Variants in SYNE3 observed in about 807,000 individuals in gnomAD.
SYNE3 encodes spectrin repeat containing nuclear envelope family member 3, also known as nesprin-3.
In SYNE3, 100 loss-of-function variants were observed where a neutral mutation model predicts 111.2. That is an observed-to-expected ratio of 0.90 (90% CI 0.77 to 1.06). The LOEUF (loss-of-function observed/expected upper bound fraction) is 1.06, where lower values mean the gene tolerates loss of function less well. Ranked by LOEUF, SYNE3 falls within the 50% of genes least tolerant of loss-of-function variation. SYNE3 has a pLI of 0.00. For missense variants in SYNE3, 1,160 were observed against 1,240.3 expected, an observed-to-expected ratio of 0.94 and a Z score of 0.97; for synonymous variants, 547 against 533.9, an observed-to-expected ratio of 1.02 and a Z score of -0.34.
intron 5 of SYNE3, among the ~76,000 whole-genome samples, chr14:95,456,912 G>A (rs1887478265): frequency 6.6e-6 from 1 of 152,028 alleles, no homozygotes; most frequent in African/African-American, 2.4e-5. Flanking sequence ...GTGAAACCCT[G>A]TCTCTACTAA....
chr14:95,444,254 GAA>G, intron 10 of SYNE3: 6 of 522,078 alleles, frequency 1.1e-5, no homozygotes, highest in Non-Finnish European at 2.0e-5. Flanking sequence ...GGAGTAAACA[GAA>G]AGACAGTTTG....
At chr14:95,450,735 AAAG>A (rs1361981152) in intron 7 of SYNE3, 3 of 152,368 alleles carry the variant, frequency 2.0e-5, no homozygotes, top group African/African-American at 7.2e-5. Flanking sequence ...TAGTAGGTAT[AAAG>A]AGCTGGGAGT....
At chr14:95,486,122 G>T (rs894495696) in intron 1 of SYNE3, among the ~76,000 whole-genome samples, 1 of 152,072 alleles carries the variant, frequency 6.6e-6, no homozygotes, top group Admixed American at 6.5e-5. Context: ...ACTCCCCAGT[G>T]CCCATAGATG....
At chr14:95,448,002 C>T (rs1258643306) in intron 8 of SYNE3, among the ~76,000 whole-genome samples, 1 of 152,212 alleles carries the variant, frequency 6.6e-6, no homozygotes, top group African/African-American at 2.4e-5. Context: ...TTATGTCACA[C>T]TCCAGAACAG....
chr14:95,481,455 A>G (rs1889247176), intron 1 of SYNE3, among the ~76,000 whole-genome samples: 1 of 152,180 alleles, frequency 6.6e-6, no homozygotes, highest in Non-Finnish European at 1.5e-5. Context: ...TACGCTAGAG[A>G]GACAAGGCGG....
Position 95,450,111 on chromosome 14 carries a change from A to G in SYNE3, c.1275-6T>C. On this transcript the variant is annotated splice_polypyrimidine_tract_variant and splice_region_variant and intron_variant, in intron 7 of 17. Coordinates refer to ENST00000682763, the MANE Select transcript of SYNE3 (RefSeq NM_152592.6). Reference sequence around the variant, plus strand: ...TCGCGCTCTTCACCTTCAGGCTGCAAGGAGCGTGGAGGGAGAAAATGAGGG... The same window carrying G: ...TCGCGCTCTTCACCTTCAGGCTGCAGGGAGCGTGGAGGGAGAAAATGAGGG... The G allele has an allele frequency of 6.4e-7, 1 of 1,569,574 alleles. No homozygotes were observed. Among genetic ancestry groups the G allele is most frequent in the Non-Finnish European group, 8.6e-7 (1 of 1,156,208 alleles).
intron 1 of SYNE3, among the ~76,000 whole-genome samples, chr14:95,495,744 G>T (rs1890064266): frequency 6.6e-6 from 1 of 152,250 alleles, no homozygotes; most frequent in Non-Finnish European, 1.5e-5. Context: ...GAAGGCAAGG[G>T]AGGAGGGTTC....
chr14:95,446,208 G>T, intron 8 of SYNE3, 117 bp from the exon 9 acceptor site: 1 of 1,243,028 alleles, frequency 8.0e-7, no homozygotes, highest in Non-Finnish European at 1.1e-6. Flanking sequence ...TTGTGCAGGT[G>T]TCTGAGGAAG....
At chr14:95,449,227 G>A (rs1269909922) in intron 8 of SYNE3, among the ~76,000 whole-genome samples, 3 of 152,156 alleles carry the variant, frequency 2.0e-5, no homozygotes, top group Non-Finnish European at 2.9e-5. Context: ...GCTCAGTTCC[G>A]AGGCACTGAG....
intron 17 of SYNE3, among the ~76,000 whole-genome samples, chr14:95,428,450 T>C (rs999160125): frequency 1.3e-5 from 2 of 152,154 alleles, no homozygotes; most frequent in African/African-American, 4.8e-5. Flanking sequence ...TTAAAACCTA[T>C]GAAACACAGT....
chr14:95,420,686 AAT>A (rs1425119860), intron 17 of SYNE3, among the ~76,000 whole-genome samples: 10 of 152,140 alleles, frequency 6.6e-5, no homozygotes, highest in Admixed American at 6.5e-4. Context: ...GACACCTTTC[AAT>A]ATGTTTCCCA....
rs969703955 is a variant in SYNE3 at position 95,408,523 on chromosome 14, T to C, written c.*9303A>G. 1 of 153,326 alleles carries C rather than the reference T, an allele frequency of 6.5e-6. No homozygotes were observed. The highest frequency in any genetic ancestry group is 1.5e-5 in the Non-Finnish European group (1 of 68,912). The allele number at this position is 153,326 out of a possible 1,614,324, so 9.5% of individuals were successfully genotyped here. On this transcript the variant is annotated 3_prime_UTR_variant, in exon 18 of 18. Coordinates refer to ENST00000682763, the MANE Select transcript of SYNE3 (RefSeq NM_152592.6). ...ATGCCAGGGAGAGGCATAAAAACTC[T>C]GGACTTTGGGTAAAACGTCCTGAGC...
rs1566672613 is a variant in SYNE3 at position 95,466,194 on chromosome 14, G to GGGC, written c.361_363dup (p.Ala121dup). On this transcript the variant is annotated inframe_insertion, in exon 4 of 18. Coordinates refer to ENST00000682763, the MANE Select transcript of SYNE3 (RefSeq NM_152592.6). ...TGGAACCAGCGGTAGAACTCATCTCGGGCCAGCAGGTACTCGCTCCAGTGC... is the reference window on the plus strand; with the variant it reads ...TGGAACCAGCGGTAGAACTCATCTCGGGCGGCCAGCAGGTACTCGCTCCAGTGC... The GGGC allele has an allele frequency of 6.3e-7, 1 of 1,591,964 alleles. No homozygotes were observed. Among genetic ancestry groups the GGGC allele is most frequent in the African/African-American group, 1.3e-5 (1 of 74,672 alleles).
chr14:95,499,856 CTTTT>C lies in SYNE3; in HGVS notation c.-15+16736_-15+16739del, dbSNP rs10547044. On this transcript the variant is annotated intron_variant, in intron 1 of 17. Transcript: ENST00000682763. ...AATCCCCTGTATCACTAACTCTTGT[CTTTT>C]TTTTTTTTTTTTTTTTGAGATGGAG... Among the ~76,000 whole-genome samples the C allele has an allele frequency of 1.7e-3, 154 of 90,064 alleles. 4 individuals are homozygous for C. Among genetic ancestry groups the C allele is most frequent in the African/African-American group, 6.6e-3 (140 of 21,272 alleles). 59.1% of individuals were successfully genotyped at this position (90,064 alleles called of 152,430 possible). A position where few individuals can be genotyped will look rare whatever the true frequency, so the allele number is the denominator to read the frequency against.
chr14:95,450,036 A>T lies in SYNE3; in HGVS notation c.1344T>A (p.Pro448=). Residue 448 remains proline (P), a synonymous_variant, in exon 8 of 18, where the codon CCT becomes CCA. Coordinates refer to ENST00000682763, the MANE Select transcript of SYNE3 (RefSeq NM_152592.6). ...CCTTCCACAGCTGCAGATCCTGCAG[A>T]GGCCGCTGGAAATGCTGCCACAGCT... ...AVELWQHFQR[P]LQDLQLWKAL... is the part of the protein sequence containing the mutation. The T allele has an allele frequency of 1.3e-6, 2 of 1,562,294 alleles. No individual in the cohort carries two copies. The highest frequency in any genetic ancestry group is 8.7e-7 in the Non-Finnish European group (1 of 1,153,292).
Position 95,409,040 on chromosome 14 carries a change from C to T in SYNE3, c.*8786G>A, listed in dbSNP as rs374381565. 1.7e-5 allele frequency: 7 copies of T among 414,454 alleles called. No homozygotes were observed. The highest frequency in any genetic ancestry group is 1.4e-4 in the East Asian group (2 of 13,980). The allele number at this position is 414,454 out of a possible 1,614,324, so 25.7% of individuals were successfully genotyped here. A position where few individuals can be genotyped will look rare whatever the true frequency, so the allele number is the denominator to read the frequency against. On this transcript the variant is annotated 3_prime_UTR_variant, in exon 18 of 18. Transcript: ENST00000682763. The stretch of plus-strand genomic sequence containing the variant: ...GGCACAGGAGGAAAGCAGCATGCTG[C>T]CCCTGCTTTGGAATGTTGCCCTCCA...
rs1425491943 is a variant in SYNE3 at position 95,449,927 on chromosome 14, T to C, written c.1449+4A>G. On this transcript the variant is annotated splice_donor_region_variant and intron_variant, in intron 8 of 17. Transcript: ENST00000682763. ...CCCCACCCAGTTGGCAGGACCACGG[T>C]TACCTCGATCTGGGGCAGGAAGGTG... 12 of 1,517,656 alleles carry C rather than the reference T, an allele frequency of 7.9e-6. No homozygotes were observed. In the South Asian group the frequency reaches 1.4e-4, roughly 18 times the overall value. 94.0% of individuals were successfully genotyped at this position (1,517,656 alleles called of 1,614,324 possible).
At chr14:95,478,163 G>A (rs912796728) in intron 1 of SYNE3, among the ~76,000 whole-genome samples, 2 of 152,188 alleles carry the variant, frequency 1.3e-5, no homozygotes, top group East Asian at 3.8e-4. Flanking sequence ...GGGCGAGGCT[G>A]CAGGCAGAGT....
Position 95,476,067 on chromosome 14 carries a change from T to C in SYNE3, c.-14-232A>G, listed in dbSNP as rs139264502. On this transcript the variant is annotated intron_variant, in intron 1 of 17. Coordinates refer to ENST00000682763, the MANE Select transcript of SYNE3 (RefSeq NM_152592.6). ...GCCTAGGGCTCTGGCCTGGCAAAAC[T>C]GCTTTGTCTTTGGCCTCTCAGGTTC... Among the ~76,000 whole-genome samples, 161 of 152,384 alleles carry C rather than the reference T, an allele frequency of 1.1e-3. 1 individual carries two copies. The highest frequency in any genetic ancestry group is 3.8e-3 in the African/African-American group (157 of 41,600).
Sources: gnomAD v4.1 joint callset for allele counts (sites outside exome capture counted in the v4.1 genomes callset) on GRCh38, gnomAD v4.1.1 for gene constraint, MANE v1.5 for transcripts, NCBI Gene and HGNC (gene_info 2026-07-23, HGNC 2026-07-21) for gene names.